UGT1A8: variants seen among roughly 807,000 people sequenced by gnomAD.
UGT1A8 encodes the protein UDP-glucuronosyltransferase 1A8.
Under a neutral mutation model 45.3 loss-of-function variants are expected in UGT1A8, and 39 were observed. The ratio of observed to expected loss-of-function variants is 0.86; its 90% CI spans 0.67 to 1.12. The LOEUF (loss-of-function observed/expected upper bound fraction) is 1.12, where lower values mean the gene tolerates loss of function less well. Ranked by LOEUF, UGT1A8 falls within the 50% of genes most tolerant of loss-of-function variation. The probability of loss-of-function intolerance (pLI) is 0.00; values close to 1 mark genes in which losing one functional copy is unlikely to be tolerated. For missense variants in UGT1A8, 719 were observed against 664.9 expected (o/e 1.08, Z -0.90); for synonymous variants, 275 against 249.2 (o/e 1.10, Z -0.97).
rs879204025 is a variant in UGT1A8, at chr2:233,769,857, CA to C, written c.1295+1435del. 0.15 allele frequency: 32,681 copies of C among 223,256 alleles called. 81 individuals are homozygous for C. Among genetic ancestry groups the C allele is most frequent in the Middle Eastern group, 0.2 (155 of 784 alleles). The allele number at this position is 223,256 out of a possible 1,614,324, so 13.8% of individuals were successfully genotyped here. ...TGGGCAACAGAGTGAGACCCTGTCT[CA>C]AAAAAAAAAAAAAAAATGAAAAGTC... On this transcript the variant is annotated intron_variant, in intron 4 of 4. Transcript: ENST00000373450. This position sits in a 1 kb window ranked among gnomAD's most constrained non-coding sequence, Gnocchi z 4.4.
chr2:233,711,855 C>A (rs922425010), intron 1 of UGT1A8, among the ~76,000 whole-genome samples: 2 of 152,178 alleles, frequency 1.3e-5, no homozygotes, highest in Non-Finnish European at 2.9e-5. Flanking sequence ...TTGCCAAGCA[C>A]AAGTATGAGT....
chr2:233,726,841 G>A (rs1173515179), intron 1 of UGT1A8, among the ~76,000 whole-genome samples: 1 of 152,112 alleles, frequency 6.6e-6, no homozygotes, highest in African/African-American at 2.4e-5. Flanking sequence ...TTTAATTTTT[G>A]TTCCTTTTCT....
At chr2:233,648,158 T>C in intron 1 of UGT1A8, 1 of 1,116,140 alleles carries the variant, frequency 9.0e-7, no homozygotes, top group Non-Finnish European at 1.3e-6. Context: ...TTATTTTCTC[T>C]ATTAATGAGT....
intron 1 of UGT1A8, among the ~76,000 whole-genome samples, chr2:233,690,346 A>G (rs1476855946): frequency 6.6e-6 from 1 of 152,206 alleles, no homozygotes; most frequent in African/African-American, 2.4e-5. Flanking sequence ...TGAAAGAGTT[A>G]GCACCTTAGA....
intron 1 of UGT1A8, among the ~76,000 whole-genome samples, chr2:233,727,500 G>A (rs1156427094): frequency 6.6e-6 from 1 of 152,198 alleles, no homozygotes; most frequent in Non-Finnish European, 1.5e-5. Flanking sequence ...GAACATGGGA[G>A]CCCATGAATG....
chr2:233,705,445 G>A (rs79916929), intron 1 of UGT1A8, among the ~76,000 whole-genome samples: 4,116 of 152,216 alleles, frequency 0.027, 91 homozygotes, highest in African/African-American at 0.046. Flanking sequence ...CTTCAGAATT[G>A]CACATATTTT....
chr2:233,717,709 C>T (rs1575518091), intron 1 of UGT1A8: 13 of 452,360 alleles, frequency 2.9e-5, no homozygotes, highest in East Asian at 1.4e-4. Context: ...GCAGGACGAG[C>T]CTCATGGGCA....
intron 1 of UGT1A8, chr2:233,761,302 C>G: frequency 6.8e-7 from 1 of 1,473,836 alleles, no homozygotes. Context: ...AGGTTTGAGT[C>G]TGTCTTTGGC....
intron 1 of UGT1A8, among the ~76,000 whole-genome samples, chr2:233,619,996 T>C (rs993168518): frequency 1.3e-5 from 2 of 152,328 alleles, no homozygotes; most frequent in South Asian, 4.1e-4. Flanking sequence ...GCATAGTTGC[T>C]AAATCCAGAT....
intron 1 of UGT1A8, among the ~76,000 whole-genome samples, chr2:233,734,963 T>C (rs1419315489): frequency 6.6e-6 from 1 of 152,234 alleles, no homozygotes; most frequent in Admixed American, 6.5e-5. Context: ...ATAAGTGTGA[T>C]GTGGTGCTGA....
chr2:233,724,904 G>C (rs1208234337), intron 1 of UGT1A8, among the ~76,000 whole-genome samples: 2 of 139,120 alleles, frequency 1.4e-5, no homozygotes. Context: ...TCCAGCCTGG[G>C]CACCATTGAG....
chr2:233,657,010 C>T (rs1351457913), intron 1 of UGT1A8, among the ~76,000 whole-genome samples: 1 of 151,976 alleles, frequency 6.6e-6, no homozygotes, highest in Middle Eastern at 3.2e-3. Context: ...AACCTTTCTA[C>T]GTCTTTATGA....
intron 1 of UGT1A8, chr2:233,692,765 G>T: frequency 8.0e-7 from 1 of 1,253,638 alleles, no homozygotes; most frequent in African/African-American, 1.5e-5. Context: ...GAGCTGAAGA[G>T]AAACACCCAG....
chr2:233,677,495 A>G (rs1201804593), intron 1 of UGT1A8, among the ~76,000 whole-genome samples: 2 of 152,220 alleles, frequency 1.3e-5, no homozygotes. Flanking sequence ...TTTGTATGTT[A>G]TTAGTATTAT....
At chr2:233,679,847 T>C (rs1226172483) in intron 1 of UGT1A8, among the ~76,000 whole-genome samples, 1 of 152,204 alleles carries the variant, frequency 6.6e-6, no homozygotes, top group Non-Finnish European at 1.5e-5. Context: ...TCAAATCACA[T>C]TGGCATCTAT....
At chr2:233,745,519 A>G (rs567771888) in intron 1 of UGT1A8, among the ~76,000 whole-genome samples, 1 of 151,822 alleles carries the variant, frequency 6.6e-6, no homozygotes, top group African/African-American at 2.4e-5. Context: ...ATTAGGTCTA[A>G]TGGGGATGTG....
chr2:233,729,143 A>G lies in UGT1A8; in HGVS notation c.856-37891A>G, dbSNP rs28898617. Reference sequence around the variant, plus strand: ...TCTGCTGAGATGGCCACAGGACTCCAGGTTCCCCTGCCGTGGCTGGCCACA... The same window carrying G: ...TCTGCTGAGATGGCCACAGGACTCCGGGTTCCCCTGCCGTGGCTGGCCACA... On this transcript the variant is annotated intron_variant, in intron 1 of 4. Transcript: ENST00000373450. 1.4e-3 allele frequency: 2,190 copies of G among 1,613,464 alleles called. 46 individuals are homozygous for G. The East Asian group carries it at 0.046, about 34-fold the overall frequency.
chr2:233,637,342 G>T, intron 1 of UGT1A8: 1 of 1,613,740 alleles, frequency 6.2e-7, no homozygotes, highest in Non-Finnish European at 8.5e-7. Flanking sequence ...CTTCATTGGT[G>T]GTATCAACTG....
chr2:233,754,869 C>A (rs1695620043), intron 1 of UGT1A8: 2 of 1,352,824 alleles, frequency 1.5e-6, no homozygotes, highest in South Asian at 2.3e-5. Context: ...AGACCCTCTG[C>A]TTCTGCTTCC....
Sources: gnomAD v4.1 joint callset for allele counts (sites outside exome capture counted in the v4.1 genomes callset) on GRCh38, gnomAD v4.1.1 for gene constraint, Gnocchi (gnomAD v3.1) non-coding constraint, MANE v1.5 for transcripts, NCBI Gene and HGNC (gene_info 2026-07-23, HGNC 2026-07-21) for gene names.